MPP4: variants seen among roughly 807,000 people sequenced by gnomAD.
MPP4 encodes MAGUK p55 scaffold protein 4.
Under a neutral mutation model 98.3 loss-of-function variants are expected in MPP4, and 91 were observed. That is an observed-to-expected ratio of 0.93 (90% CI 0.78 to 1.10). MPP4 has a LOEUF of 1.10. Among genes scored for constraint, MPP4 ranks in the 50% least tolerant of loss-of-function variants. The probability of loss-of-function intolerance (pLI) is 0.00; values close to 1 mark genes in which losing one functional copy is unlikely to be tolerated. For synonymous variants in MPP4, 261 were observed against 271.8 expected, an observed-to-expected ratio of 0.96 and a Z score of 0.39; for missense variants, 744 against 792.9, an observed-to-expected ratio of 0.94 and a Z score of 0.74.
At chr2:201,673,658 A>G (rs1688409704) in intron 11 of MPP4, 1 of 155,626 alleles carries the variant, frequency 6.4e-6, no homozygotes, top group Non-Finnish European at 1.5e-5. Flanking sequence ...TGTGTTCACC[A>G]CTGGAAGTTA....
chr2:201,687,767 G>T (rs561927007), intron 4 of MPP4, among the ~76,000 whole-genome samples: 1 of 152,150 alleles, frequency 6.6e-6, no homozygotes, highest in African/African-American at 2.4e-5. Flanking sequence ...CTCTAGGAAC[G>T]TACCTGGGGA....
intron 20 of MPP4, among the ~76,000 whole-genome samples, chr2:201,648,783 C>T (rs749619602): frequency 2.6e-5 from 4 of 152,148 alleles, no homozygotes; most frequent in Non-Finnish European, 5.9e-5. Context: ...CATGGCTGGG[C>T]GCAGTAGCTC....
In MPP4 at chr2:201,658,517, G is replaced by A; in HGVS notation, c.1089C>T (p.Asp363=). The change falls in exon 16 of 22, where the codon GAC becomes GAT. Residue 363 remains aspartate, a splice_region_variant and synonymous_variant. Coordinates refer to ENST00000409474, the MANE Select transcript of MPP4 (RefSeq NM_033066.3). ...GACCGTAGCCAACAAACTCCTCCTT[G>A]TCTGAAACACAAAGAACAGATGGAG... ...ETFESEELSE[D]KEEFVGYGQK... is the part of the protein sequence containing the mutation. The A allele has an allele frequency of 6.2e-7, 1 of 1,612,398 alleles. No homozygotes were observed. The highest frequency in any genetic ancestry group is 8.5e-7 in the Non-Finnish European group (1 of 1,179,238).
At chr2:201,667,357 T>C (rs1356457907) in intron 12 of MPP4, among the ~76,000 whole-genome samples, 1 of 152,200 alleles carries the variant, frequency 6.6e-6, no homozygotes, top group African/African-American at 2.4e-5. Context: ...GAATACCCCC[T>C]TGCAGAGCAT....
intron 1 of MPP4, among the ~76,000 whole-genome samples, chr2:201,696,690 G>A (rs1441574725): frequency 6.6e-6 from 1 of 152,212 alleles, no homozygotes; most frequent in Non-Finnish European, 1.5e-5. Context: ...CAGATAGACT[G>A]TGCTTCACAG....
At chr2:201,690,926 C>T (rs1574638199) in intron 3 of MPP4, among the ~76,000 whole-genome samples, 1 of 152,214 alleles carries the variant, frequency 6.6e-6, no homozygotes, top group Non-Finnish European at 1.5e-5. Context: ...GCCTGCCTAG[C>T]TCTGCAATGC....
At chr2:201,681,173 C>G in intron 9 of MPP4, 139 bp from the exon 10 acceptor site, 1 of 896,016 alleles carries the variant, frequency 1.1e-6, no homozygotes, top group Non-Finnish European at 1.7e-6. Flanking sequence ...TCTCCACCCT[C>G]ACCAAAAAGG....
At chr2:201,658,614 C>A (rs1280644560) in intron 15 of MPP4, 96 bp from the exon 16 acceptor site, 12 of 1,085,906 alleles carry the variant, frequency 1.1e-5, no homozygotes, top group Non-Finnish European at 1.5e-5. Context: ...CAAGTGACCA[C>A]CTTAGTAGAC....
At chr2:201,646,113 TTTGCAGACAGA>T (rs1687552463) in intron 21 of MPP4, among the ~76,000 whole-genome samples, 1 of 152,226 alleles carries the variant, frequency 6.6e-6, no homozygotes, top group South Asian at 2.1e-4. Context: ...TTAGTCATAG[TTTGCAGACAGA>T]TTACTCCCCT....
In MPP4 at chr2:201,654,875, A is replaced by G. The variant is rs1687811132; in HGVS notation, c.1343T>C (p.Ile448Thr). The G allele has an allele frequency of 6.2e-6, 10 of 1,605,730 alleles. No homozygotes were observed. Among genetic ancestry groups the G allele is most frequent in the Non-Finnish European group, 8.5e-6 (10 of 1,176,162 alleles). ...VGVNELRRQL[I>T]EFNPSHFQSA... ...TTGAAAATGGCTGGGATTAAATTCA[A>G]TAAGTTGTCTTCTGAGCTCATTTAC... The change falls in exon 18 of 22, where the codon ATT becomes ACT. Residue 448 changes from isoleucine to threonine, a missense_variant. By Grantham distance (89) the Ile-to-Thr change is moderately conservative. Transcript: ENST00000409474.
chr2:201,694,019 C>T lies in MPP4; in HGVS notation c.-65G>A, dbSNP rs777294222. 3.1e-5 allele frequency: 50 copies of T among 1,613,194 alleles called. No individual in the cohort carries two copies. The highest frequency in any genetic ancestry group is 5.0e-5 in the Admixed American group (3 of 59,998). ...AAGCGGGTCAATACACGGCACACAG[C>T]TCACTCAGTCCCACTGGCCACCAGC... On this transcript the variant is annotated 5_prime_UTR_variant, in exon 2 of 22. Transcript: ENST00000409474.
chr2:201,656,432 C>G, intron 16 of MPP4, 64 bp from the exon 17 acceptor site: 1 of 1,411,550 alleles, frequency 7.1e-7, no homozygotes, highest in Non-Finnish European at 9.5e-7. Context: ...AGCTTCACAC[C>G]TGATGAAATA....
intron 6 of MPP4, 70 bp downstream of exon 6, chr2:201,685,849 C>T: frequency 6.4e-7 from 1 of 1,563,498 alleles, no homozygotes; most frequent in Non-Finnish European, 8.7e-7. Context: ...CAAGTAACCA[C>T]TAGATATAAT....
chr2:201,690,930 G>T lies in MPP4; in HGVS notation c.202-651C>A, dbSNP rs565617974. Among the ~76,000 whole-genome samples, 5 of 152,292 alleles carry T rather than the reference G, an allele frequency of 3.3e-5. No individual in the cohort carries two copies. The East Asian group carries it at 9.6e-4, about 29-fold the overall frequency. ...AGGACACCAAAGCCTGCCTAGCTCT[G>T]CAATGCACCCCTTGATCTTATTTTA... On this transcript the variant is annotated intron_variant, in intron 3 of 21. Transcript: ENST00000409474.
chr2:201,659,386 C>T (rs947809106), intron 15 of MPP4, among the ~76,000 whole-genome samples: 1 of 152,166 alleles, frequency 6.6e-6, no homozygotes, highest in Non-Finnish European at 1.5e-5. Flanking sequence ...GTGCCCACTG[C>T]CTCTGAAGCA....
rs148219771 is a variant in MPP4, at chr2:201,657,961, T to G, written c.1129+516A>C. ...ACAGAAAGGTGGCCCCTTGTTTTTT[T>G]TTTTTTTGTTTTTTTTTTTTCACGC... is the stretch of plus-strand genomic sequence containing the variant. On this transcript the variant is annotated intron_variant, in intron 16 of 21. Coordinates refer to ENST00000409474, the MANE Select transcript of MPP4 (RefSeq NM_033066.3). Among the ~76,000 whole-genome samples the G allele has an allele frequency of 2.0e-3, 295 of 151,082 alleles. 1 individual carries two copies. The highest frequency in any genetic ancestry group is 6.6e-3 in the African/African-American group (270 of 40,802).
intron 17 of MPP4, 22 bp from the exon 18 acceptor site, chr2:201,654,939 C>T (rs759020008): frequency 2.1e-6 from 3 of 1,440,312 alleles, no homozygotes; most frequent in Non-Finnish European, 1.9e-6. Flanking sequence ...AAGTCACACA[C>T]AGAAATCATC....
chr2:201,651,006 G>C, intron 18 of MPP4: 1 of 984,290 alleles, frequency 1.0e-6, no homozygotes, highest in Non-Finnish European at 1.2e-6. Context: ...CTATGTTCCA[G>C]GTATCATGTT....
At chr2:201,679,730 G>A (rs1177993777) in intron 10 of MPP4, among the ~76,000 whole-genome samples, 8 of 152,160 alleles carry the variant, frequency 5.3e-5, no homozygotes, top group East Asian at 1.9e-4. Flanking sequence ...CATTACTTAT[G>A]CCATCTAAAA....
Sources: gnomAD v4.1 joint callset for allele counts (sites outside exome capture counted in the v4.1 genomes callset) on GRCh38, gnomAD v4.1.1 for gene constraint, MANE v1.5 for transcripts, NCBI Gene and HGNC (gene_info 2026-07-23, HGNC 2026-07-21) for gene names.